LINGO2: variants seen among roughly 807,000 people sequenced by gnomAD.
The protein encoded by LINGO2 is leucine-rich repeat and immunoglobulin-like domain-containing nogo receptor-interacting protein 2.
A neutral mutation model predicts 30.6 loss-of-function variants in LINGO2; 14 were observed. The observed-to-expected ratio is 0.46, with a 90% CI of 0.30 to 0.72. The LOEUF is 0.72. LINGO2 is among the 30% of genes least tolerant of loss of function. LINGO2 has a pLI of 0.07. For missense variants in LINGO2, 729 were observed against 751.7 expected (o/e 0.97, Z 0.35); for synonymous variants, 317 against 288.5 (o/e 1.10, Z -1.00).
intron 4 of LINGO2, among the ~76,000 whole-genome samples, chr9:28,281,724 T>C (rs1033186401): frequency 6.6e-6 from 1 of 152,112 alleles, no homozygotes; most frequent in Non-Finnish European, 1.5e-5. Flanking sequence ...ACTATGTTAC[T>C]GATTGAATCA....
At chr9:28,172,441 C>T (rs1056850317) in intron 4 of LINGO2, among the ~76,000 whole-genome samples, 3 of 151,640 alleles carry the variant, frequency 2.0e-5, no homozygotes, top group South Asian at 4.1e-4. Context: ...ACTTTCCATA[C>T]ATTATCTCAC....
rs146774800 is a variant in LINGO2 at position 28,641,211 on chromosome 9, T to C, written c.-365+28989A>G. Among the ~76,000 whole-genome samples, 665 of 152,124 alleles carry C rather than the reference T, an allele frequency of 4.4e-3. 5 individuals carry two copies. The highest frequency in any genetic ancestry group is 0.015 in the African/African-American group (638 of 41,508). ...ACCACGCTCGGCTAATTTTGTTTTG[T>C]ATTTTTAGTAGAGACAGGGTTTCAC... is the stretch of plus-strand genomic sequence containing the variant. On this transcript the variant is annotated intron_variant, in intron 1 of 5. Coordinates refer to ENST00000379992, the Ensembl canonical transcript of LINGO2.
intron 4 of LINGO2, among the ~76,000 whole-genome samples, chr9:28,214,087 A>C (rs532199115): frequency 6.6e-6 from 1 of 151,732 alleles, no homozygotes; most frequent in Non-Finnish European, 1.5e-5. Context: ...GAAGTATTAG[A>C]TAGGAGGATA....
chr9:28,926,624 C>T, the LINGO2 span, among the ~76,000 whole-genome samples: 1 of 152,146 alleles, frequency 6.6e-6, no homozygotes, highest in Non-Finnish European at 1.5e-5. Flanking sequence ...AATGCTGGGA[C>T]ACCTGGATAT....
chr9:28,863,725 G>A, the LINGO2 span: 5 of 505,320 alleles, frequency 9.9e-6, no homozygotes, highest in East Asian at 5.6e-5. Flanking sequence ...GTAAAGCCTG[G>A]TACCTATGAA....
At chr9:29,004,999 A>G in the LINGO2 span, among the ~76,000 whole-genome samples, 1 of 151,964 alleles carries the variant, frequency 6.6e-6, no homozygotes, top group African/African-American at 2.4e-5. Flanking sequence ...CTTAGAAAGT[A>G]TCTGCCATGT....
chr9:28,945,090 C>A, the LINGO2 span, among the ~76,000 whole-genome samples: 2 of 152,178 alleles, frequency 1.3e-5, no homozygotes, highest in Admixed American at 1.3e-4. Context: ...AATTAAATTA[C>A]CCTAGGATTA....
At chr9:28,367,846 T>C (rs1428123727) in intron 3 of LINGO2, among the ~76,000 whole-genome samples, 2 of 152,172 alleles carry the variant, frequency 1.3e-5, no homozygotes, top group Non-Finnish European at 2.9e-5. Context: ...AGAACTATTA[T>C]GAGTCAGATG....
chr9:29,044,213 TGTGA>T, the LINGO2 span, among the ~76,000 whole-genome samples: 1 of 151,882 alleles, frequency 6.6e-6, no homozygotes, highest in Non-Finnish European at 1.5e-5. Flanking sequence ...GATGGCACAA[TGTGA>T]GTGTTATGTA....
Position 28,598,423 on chromosome 9 carries a change from A to AC in LINGO2, c.-365+71776_-365+71777insG, listed in dbSNP as rs200787531. ...GAAGAATTTGTTCTCCATATCAAAA[A>AC]AAAAAAAAAAACAAAACAAACAAAC... On this transcript the variant is annotated intron_variant, in intron 1 of 5. Coordinates refer to ENST00000379992, the Ensembl canonical transcript of LINGO2. 6.2e-3 allele frequency among the ~76,000 whole-genome samples: 817 copies of AC among 131,224 alleles called. 14 individuals are homozygous for AC. Among genetic ancestry groups the AC allele is most frequent in the African/African-American group, 0.023 (791 of 34,766 alleles). 86.1% of individuals were successfully genotyped at this position (131,224 alleles called of 152,430 possible). A position where few individuals can be genotyped will look rare whatever the true frequency, so the allele number is the denominator to read the frequency against.
chr9:28,629,745 T>G (rs1826847402), intron 1 of LINGO2, among the ~76,000 whole-genome samples: 1 of 151,932 alleles, frequency 6.6e-6, no homozygotes, highest in African/African-American at 2.4e-5. Flanking sequence ...TAAGGATACT[T>G]TAAAGAAAAC....
intron 1 of LINGO2, among the ~76,000 whole-genome samples, chr9:28,596,851 C>G (rs1825207827): frequency 6.6e-6 from 1 of 152,072 alleles, no homozygotes; most frequent in African/African-American, 2.4e-5. Context: ...TTCAGGACAG[C>G]TGGATTGATA....
chr9:28,506,777 C>T (rs1820157527), intron 1 of LINGO2, among the ~76,000 whole-genome samples: 1 of 151,396 alleles, frequency 6.6e-6, no homozygotes, highest in South Asian at 2.1e-4. Flanking sequence ...TAATTATTGC[C>T]AGGTGTTTAT....
chr9:28,945,244 C>A, the LINGO2 span, among the ~76,000 whole-genome samples: 1 of 152,022 alleles, frequency 6.6e-6, no homozygotes, highest in African/African-American at 2.4e-5. Context: ...CTAAACAGAA[C>A]TAGAATGAGG....
At chr9:28,902,789 CAACA>C in the LINGO2 span, among the ~76,000 whole-genome samples, 1 of 151,400 alleles carries the variant, frequency 6.6e-6, no homozygotes, top group African/African-American at 2.4e-5. Flanking sequence ...AAAAATGAGT[CAACA>C]AATAAATTAA....
intron 1 of LINGO2, among the ~76,000 whole-genome samples, chr9:28,605,641 A>C (rs1226656985): frequency 6.6e-6 from 1 of 152,054 alleles, no homozygotes; most frequent in Non-Finnish European, 1.5e-5. Flanking sequence ...TTTTAGCCTA[A>C]GTTAAGCTTC....
At chr9:28,078,846 C>CAA (rs35130159) in intron 4 of LINGO2, among the ~76,000 whole-genome samples, 15 of 133,184 alleles carry the variant, frequency 1.1e-4, no homozygotes, top group South Asian at 7.0e-4. Flanking sequence ...AAAACTCTGT[C>CAA]AAAAAAAAAA....
At chr9:28,757,894 G>T in the LINGO2 span, among the ~76,000 whole-genome samples, 1 of 152,008 alleles carries the variant, frequency 6.6e-6, no homozygotes, top group Non-Finnish European at 1.5e-5. Flanking sequence ...AAACTTCATG[G>T]CATCTAGTGT....
chr9:28,131,316 C>G (rs1412317466), intron 4 of LINGO2, among the ~76,000 whole-genome samples: 1 of 152,088 alleles, frequency 6.6e-6, no homozygotes, highest in African/African-American at 2.4e-5. Flanking sequence ...TCTTTGGGGT[C>G]TGTTAATCAA....
Sources: gnomAD v4.1 joint callset for allele counts (sites outside exome capture counted in the v4.1 genomes callset) on GRCh38, gnomAD v4.1.1 for gene constraint, MANE v1.5 for transcripts, NCBI Gene and HGNC (gene_info 2026-07-23, HGNC 2026-07-21) for gene names.